FARP1: variants seen among roughly 807,000 people sequenced by gnomAD.
FARP1 encodes the protein FERM, ARH/RhoGEF and pleckstrin domain protein 1.
Under a neutral mutation model 128.8 loss-of-function variants are expected in FARP1, and 52 were observed. The observed-to-expected ratio is 0.40, with a 90% confidence interval of 0.32 to 0.51. The LOEUF is 0.51. FARP1 is among the 20% of genes least tolerant of loss of function. The pLI, the probability that FARP1 is intolerant of heterozygous loss-of-function variation, is 0.45. For synonymous variants in FARP1, 580 were observed against 551.8 expected (o/e 1.05, Z -0.72); for missense variants, 1,333 against 1,367.9 (o/e 0.97, Z 0.40).
chr13:98,264,360 T>C (rs948066666), intron 2 of FARP1, among the ~76,000 whole-genome samples: 1 of 152,224 alleles, frequency 6.6e-6, no homozygotes, highest in Non-Finnish European at 1.5e-5. Flanking sequence ...CTGAGCAGCG[T>C]GATGGACTCT....
chr13:98,293,179 G>A (rs1022467404), intron 2 of FARP1, among the ~76,000 whole-genome samples: 3 of 152,086 alleles, frequency 2.0e-5, no homozygotes, highest in African/African-American at 7.2e-5. Context: ...CATTTAAATG[G>A]AATCAATTGT....
At chr13:98,353,443 A>G (rs1473047598) in intron 3 of FARP1, among the ~76,000 whole-genome samples, 1 of 152,188 alleles carries the variant, frequency 6.6e-6, no homozygotes, top group African/African-American at 2.4e-5. Flanking sequence ...GAATGGTGCA[A>G]TCTCGGCTCA....
chr13:98,320,714 A>C (rs747338061), intron 2 of FARP1, among the ~76,000 whole-genome samples: 1 of 152,232 alleles, frequency 6.6e-6, no homozygotes. Context: ...TGGTATCTTC[A>C]ACAGTGATCT....
chr13:98,163,429 C>T lies in FARP1; in HGVS notation c.-24+19937C>T, dbSNP rs569647503. Among the ~76,000 whole-genome samples, 17 of 152,146 alleles carry T rather than the reference C, an allele frequency of 1.1e-4. 1 individual carries two copies. The East Asian group carries it at 1.9e-3, about 17-fold the overall frequency. On this transcript the variant is annotated intron_variant, in intron 1 of 26. Coordinates refer to ENST00000319562, the MANE Select transcript of FARP1 (RefSeq NM_005766.4). ...AGTTTACCTATATAACAAACCTGCA[C>T]GTGTACCCTGAACCTAAAATAAAAG...
intron 6 of FARP1, among the ~76,000 whole-genome samples, chr13:98,382,029 C>T (rs144009671): frequency 0.016 from 2,351 of 151,500 alleles, 40 homozygotes; most frequent in Middle Eastern, 0.048. Flanking sequence ...TCAAGACTAG[C>T]CTGGGCAACA....
chr13:98,202,322 C>G (rs762571618), intron 1 of FARP1, among the ~76,000 whole-genome samples: 1 of 152,210 alleles, frequency 6.6e-6, no homozygotes, highest in Non-Finnish European at 1.5e-5. Context: ...GTGTCTGACA[C>G]TTGATTTTTT....
Position 98,224,423 on chromosome 13 carries a change from A to C in FARP1, c.171+11010A>C, listed in dbSNP as rs539339048. On this transcript the variant is annotated intron_variant, in intron 2 of 26. Transcript: ENST00000319562. Reference sequence around the variant, plus strand: ...GTGCCTGTAGTCCCAGCTACTCGGGAGGCTGAGGCAGGAGAATGGCGTGAA... The same window carrying C: ...GTGCCTGTAGTCCCAGCTACTCGGGCGGCTGAGGCAGGAGAATGGCGTGAA... 4.1e-5 allele frequency among the ~76,000 whole-genome samples: 6 copies of C among 146,806 alleles called. No individual in the cohort carries two copies. The East Asian group carries it at 8.7e-4, about 21-fold the overall frequency.
At chr13:98,271,343 G>A (rs1308277415) in intron 2 of FARP1, among the ~76,000 whole-genome samples, 2 of 152,088 alleles carry the variant, frequency 1.3e-5, no homozygotes, top group Non-Finnish European at 2.9e-5. Context: ...TCCTCTTAAC[G>A]GTGGTGAGTC....
In FARP1 at chr13:98,377,808, T is replaced by C. The variant is rs761287118; in HGVS notation, c.399-13T>C. On this transcript the variant is annotated splice_polypyrimidine_tract_variant and intron_variant, in intron 5 of 26. Coordinates refer to ENST00000319562, the MANE Select transcript of FARP1 (RefSeq NM_005766.4). Reference sequence around the variant, plus strand: ...CCTCTTTGCCTGACGCCCAGCTCTGTTGATCTTCGCAGGTACCTGTTCGCG... The same window carrying C: ...CCTCTTTGCCTGACGCCCAGCTCTGCTGATCTTCGCAGGTACCTGTTCGCG... The C allele has an allele frequency of 3.7e-6, 6 of 1,610,570 alleles. No homozygotes were observed. The African/African-American group carries it at 4.0e-5, about 11-fold the overall frequency.
Position 98,439,160 on chromosome 13 carries a change from T to C in FARP1, c.2397T>C (p.Phe799=). The change falls in exon 21 of 27, where the codon TTT becomes TTC. Residue 799 remains phenylalanine, a synonymous_variant. Transcript: ENST00000319562. The stretch of plus-strand genomic sequence containing the variant: ...GGGGGCTGACGGCCTCCAATCAGTT[T>C]AAAGTCCACGGGCAGCTCCCGCTCT... ...TSRGLTASNQ[F]KVHGQLPLYG... is the part of the protein sequence containing the mutation. The C allele has an allele frequency of 6.2e-7, 1 of 1,613,886 alleles. No individual in the cohort carries two copies. The highest frequency in any genetic ancestry group is 8.5e-7 in the Non-Finnish European group (1 of 1,179,880).
chr13:98,152,535 G>GCAT (rs1310823131), intron 1 of FARP1, among the ~76,000 whole-genome samples: 1 of 152,152 alleles, frequency 6.6e-6, no homozygotes, highest in African/African-American at 2.4e-5. Flanking sequence ...GTCCATAAAT[G>GCAT]CATCATTGAG....
At chr13:98,255,496 A>G (rs2892899) in intron 2 of FARP1, among the ~76,000 whole-genome samples, 112,993 of 151,672 alleles carry the variant, frequency 0.74, 44,483 homozygotes, top group East Asian at 0.89. Context: ...GTGAGACTTC[A>G]TCTCAAAAAA....
intron 1 of FARP1, among the ~76,000 whole-genome samples, chr13:98,190,692 G>A (rs956597813): frequency 4.0e-5 from 6 of 151,762 alleles, no homozygotes; most frequent in Non-Finnish European, 7.4e-5. Context: ...ATCCTGAGAA[G>A]CTAGGACTAT....
intron 2 of FARP1, among the ~76,000 whole-genome samples, chr13:98,297,494 T>C (rs1885748943): frequency 6.6e-6 from 1 of 152,208 alleles, no homozygotes; most frequent in African/African-American, 2.4e-5. Flanking sequence ...CTTAGGAATT[T>C]TAACACAGCC....
intron 2 of FARP1, among the ~76,000 whole-genome samples, chr13:98,254,370 T>C: frequency 6.6e-6 from 1 of 152,242 alleles, no homozygotes; most frequent in East Asian, 1.9e-4. Context: ...CTGTAAAGTG[T>C]GGATGAGAAT....
intron 5 of FARP1, among the ~76,000 whole-genome samples, chr13:98,376,355 A>T (rs936482440): frequency 6.6e-6 from 1 of 152,192 alleles, no homozygotes; most frequent in Non-Finnish European, 1.5e-5. Flanking sequence ...GCTCCCAAAA[A>T]TAAGTGAGAA....
rs142304087 is a variant in FARP1, at chr13:98,231,724, G to A, written c.171+18311G>A. Among the ~76,000 whole-genome samples the A allele has an allele frequency of 2.8e-4, 43 of 152,188 alleles. 2 individuals carry two copies. The East Asian group carries it at 6.8e-3, about 24-fold the overall frequency. On this transcript the variant is annotated intron_variant, in intron 2 of 26. Transcript: ENST00000319562. ...AAAGTGTTGGTGAGCCACCACACCCGGCCTCATTTCTGTTTTGGAGTTCAG... is the reference window on the plus strand; with the variant it reads ...AAAGTGTTGGTGAGCCACCACACCCAGCCTCATTTCTGTTTTGGAGTTCAG...
At chr13:98,263,304 G>A (rs966891778) in intron 2 of FARP1, among the ~76,000 whole-genome samples, 7 of 152,046 alleles carry the variant, frequency 4.6e-5, no homozygotes, top group East Asian at 3.9e-4. Flanking sequence ...CACCACGCCC[G>A]GCCACACTAC....
intron 2 of FARP1, among the ~76,000 whole-genome samples, chr13:98,279,461 A>G (rs1299258233): frequency 2.0e-5 from 3 of 152,262 alleles, no homozygotes; most frequent in Non-Finnish European, 2.9e-5. Context: ...GCAGTGCTGA[A>G]TGGTGGAACT....
Sources: gnomAD v4.1 joint callset for allele counts (sites outside exome capture counted in the v4.1 genomes callset) on GRCh38, gnomAD v4.1.1 for gene constraint, MANE v1.5 for transcripts, NCBI Gene and HGNC (gene_info 2026-07-23, HGNC 2026-07-21) for gene names.